Variants in SEMA3B observed in about 807,000 individuals in gnomAD.
SEMA3B encodes semaphorin-3B.
In SEMA3B, 71 loss-of-function variants were observed where a neutral mutation model predicts 77.8. That is an observed-to-expected ratio of 0.91 (90% CI 0.75 to 1.11). The LOEUF is 1.11. Among genes scored for constraint, SEMA3B ranks in the 50% most tolerant of loss-of-function variants. The pLI, the probability that SEMA3B is intolerant of heterozygous loss-of-function variation, is 0.00. For synonymous variants in SEMA3B, 470 were observed against 452.9 expected (o/e 1.04, Z -0.48); for missense variants, 968 against 1,056.8 (o/e 0.92, Z 1.17).
Position 50,269,250 on chromosome 3 carries a change from G to A in SEMA3B, c.10G>A (p.Ala4Thr). The stretch of plus-strand genomic sequence containing the variant: ...ACCCTGAGCTGCTGAGATGGGGCGG[G>A]CCGGGGCTGCCGCCGTGATCCCGGG... Reference protein sequence around the residue: MGRAGAAAVIPGLA... With the variant: MGRTGAAAVIPGLA... The change falls in exon 1 of 17, where the codon GCC (alanine) becomes ACC (threonine). Residue 4 changes from alanine to threonine, a missense_variant. By Grantham distance (58) the Ala-to-Thr change is moderately conservative. Transcript: ENST00000616701. This position sits in a 1 kb window ranked among gnomAD's most constrained non-coding sequence, Gnocchi z 4.0. The A allele has an allele frequency of 1.3e-6, 2 of 1,536,236 alleles. No homozygotes were observed. Among genetic ancestry groups the A allele is most frequent in the Non-Finnish European group, 1.7e-6 (2 of 1,146,350 alleles).
In SEMA3B at chr3:50,270,438, C is replaced by T; in HGVS notation, c.273C>T (p.Ala91=). The T allele has an allele frequency of 6.2e-7, 1 of 1,613,758 alleles. No homozygotes were observed. The highest frequency in any genetic ancestry group is 8.5e-7 in the Non-Finnish European group (1 of 1,179,866). The change falls in exon 3 of 17, where the codon GCC becomes GCT. Residue 91 remains alanine (A), a synonymous_variant. Coordinates refer to ENST00000616701, the MANE Select transcript of SEMA3B (RefSeq NM_001290060.2). The surrounding 1 kb of genome is among the most constrained non-coding windows in gnomAD (Gnocchi z 4.7). ...DNISKRAKKL[A]WPAPVEWREE... is the part of the protein sequence containing the mutation. ...CTCCCCCAACCTCCCGATAGCTGGC[C>T]TGGCCGGCCCCTGTGGAATGGCGAG...
At chr3:50,268,808 C>G (rs1700967371), upstream of SEMA3B, 1 of 187,530 alleles carries the variant, frequency 5.3e-6, no homozygotes, top group Non-Finnish European at 1.1e-5. Flanking sequence ...CACTCTGTCC[C>G]CTTTCACATG....
Position 50,273,288 on chromosome 3 carries a change from C to A in SEMA3B, c.665-10C>A. ...AGGACCCGCTGACCCATGCCTCCTG[C>A]CGCGGTCAGAGCCCAAGTTTGTCAA... On this transcript the variant is annotated splice_polypyrimidine_tract_variant and intron_variant, in intron 6 of 16. Transcript: ENST00000616701. This position sits in a 1 kb window ranked among gnomAD's most constrained non-coding sequence, Gnocchi z 6.5. 1 of 1,611,674 alleles carries A rather than the reference C, an allele frequency of 6.2e-7. No individual in the cohort carries two copies.
Position 50,274,769 on chromosome 3 carries a change from C to A in SEMA3B, c.1358-74C>A. 6.6e-7 allele frequency: 1 copy of A among 1,525,566 alleles called. No individual in the cohort carries two copies. Among genetic ancestry groups the A allele is most frequent in the Non-Finnish European group, 9.0e-7 (1 of 1,115,402 alleles). The allele number at this position is 1,525,566 out of a possible 1,614,324, so 94.5% of individuals were successfully genotyped here. A position where few individuals can be genotyped will look rare whatever the true frequency, so the allele number is the denominator to read the frequency against. ...AACCCAAACATGCTGAGGGTAGACG[C>A]CTCAAAGGCGAGGAGACACTAGCCC... is the stretch of plus-strand genomic sequence containing the variant. On this transcript the variant is annotated intron_variant, in intron 11 of 16. Coordinates refer to ENST00000616701, the MANE Select transcript of SEMA3B (RefSeq NM_001290060.2). This position sits in a 1 kb window ranked among gnomAD's most constrained non-coding sequence, Gnocchi z 4.7.
At chr3:50,269,070 C>T (rs1488956808), upstream of SEMA3B, 1 of 599,224 alleles carries the variant, frequency 1.7e-6, no homozygotes, top group African/African-American at 1.9e-5. This position sits in a 1 kb window ranked among gnomAD's most constrained non-coding sequence, Gnocchi z 4.0. Flanking sequence ...TGCGACCCCC[C>T]AGCCTCTTTC....
chr3:50,274,823 A>G lies in SEMA3B; in HGVS notation c.1358-20A>G. ...CTGTCCGGGAGCACCAATGGTCATT[A>G]CCCCTTCTCATCCCTGCAGACGTTG... On this transcript the variant is annotated intron_variant, in intron 11 of 16. Transcript: ENST00000616701. The surrounding 1 kb of genome is among the most constrained non-coding windows in gnomAD (Gnocchi z 4.7). 6.2e-7 allele frequency: 1 copy of G among 1,608,244 alleles called. No individual in the cohort carries two copies. The highest frequency in any genetic ancestry group is 8.5e-7 in the Non-Finnish European group (1 of 1,178,480).
intron 6 of SEMA3B, among the ~76,000 whole-genome samples, chr3:50,272,310 C>T (rs587753169): frequency 1.1e-3 from 173 of 151,536 alleles, no homozygotes; most frequent in Middle Eastern, 3.5e-3. Flanking sequence ...CACAGTGGCT[C>T]ACACCTGTAA....
At position 50,270,860 on chromosome 3, in the gene SEMA3B, G is replaced by C. The variant is rs1374808822; in HGVS notation, c.331-30G>C. On this transcript the variant is annotated intron_variant, in intron 3 of 16. Transcript: ENST00000616701. The surrounding 1 kb of genome is among the most constrained non-coding windows in gnomAD (Gnocchi z 4.7). ...GGGACCTCTTAAGGCTACGTCCCTGGGGGAAGCCTCACACCTCCAACCCTA... is the reference window on the plus strand; with the variant it reads ...GGGACCTCTTAAGGCTACGTCCCTGCGGGAAGCCTCACACCTCCAACCCTA... The C allele has an allele frequency of 6.4e-7, 1 of 1,572,496 alleles. No homozygotes were observed. The highest frequency in any genetic ancestry group is 1.2e-5 in the South Asian group (1 of 85,754).
chr3:50,269,593 C>T lies in SEMA3B; in HGVS notation c.109+244C>T, dbSNP rs1382230540. Among the ~76,000 whole-genome samples, 1 of 152,200 alleles carries T rather than the reference C, an allele frequency of 6.6e-6. No homozygotes were observed. Among genetic ancestry groups the T allele is most frequent in the African/African-American group, 2.4e-5 (1 of 41,442 alleles). On this transcript the variant is annotated intron_variant, in intron 1 of 16. Coordinates refer to ENST00000616701, the MANE Select transcript of SEMA3B (RefSeq NM_001290060.2). The surrounding 1 kb of genome is among the most constrained non-coding windows in gnomAD (Gnocchi z 4.0). The stretch of plus-strand genomic sequence containing the variant: ...CCCTCCTGTCCCCACAGCAACAGAC[C>T]TTGTCTCTGTTCCGTTCAGTACCCC...
chr3:50,268,512 C>T (rs1700958992), upstream of SEMA3B, among the ~76,000 whole-genome samples: 1 of 152,216 alleles, frequency 6.6e-6, no homozygotes, highest in African/African-American at 2.4e-5. Flanking sequence ...AACCCATATC[C>T]ACACATGTGC....
Position 50,275,199 on chromosome 3 carries a change from A to G in SEMA3B, c.1492-103A>G. The G allele has an allele frequency of 1.4e-6, 2 of 1,452,762 alleles. No homozygotes were observed. The highest frequency in any genetic ancestry group is 1.8e-6 in the Non-Finnish European group (2 of 1,094,890). The allele number at this position is 1,452,762 out of a possible 1,614,324, so 90.0% of individuals were successfully genotyped here. A position where few individuals can be genotyped will look rare whatever the true frequency, so the allele number is the denominator to read the frequency against. ...TAGACTGTGTGACCTGAGGCGTAAG[A>G]CCTCAGTGTTCCCATCTGTCGAGTG... On this transcript the variant is annotated intron_variant, in intron 13 of 16. Coordinates refer to ENST00000616701, the MANE Select transcript of SEMA3B (RefSeq NM_001290060.2). This position sits in a 1 kb window ranked among gnomAD's most constrained non-coding sequence, Gnocchi z 7.5.
In SEMA3B at chr3:50,271,111, A is replaced by G; in HGVS notation, c.474A>G (p.Pro158=). 6.3e-7 allele frequency: 1 copy of G among 1,583,862 alleles called. No homozygotes were observed. Among genetic ancestry groups the G allele is most frequent in the Non-Finnish European group, 8.6e-7 (1 of 1,165,024 alleles). ...AGGAGCCCGTCCTCCGGCTGGACCC[A>G]GGAAGGATAGAGGATGGCAAGGGGA... ...RAEEPVLRLD[P]GRIEDGKGKS... Residue 158 remains proline, a synonymous_variant, in exon 5 of 17, where the codon CCA becomes CCG. Coordinates refer to ENST00000616701, the MANE Select transcript of SEMA3B (RefSeq NM_001290060.2).
chr3:50,264,245 G>A (rs1272165934), upstream of SEMA3B, among the ~76,000 whole-genome samples: 1 of 152,098 alleles, frequency 6.6e-6, no homozygotes, highest in Non-Finnish European at 1.5e-5. Context: ...CTGGGGTGAG[G>A]GGCACAGCAA....
upstream of SEMA3B, chr3:50,269,089 G>C: frequency 3.2e-6 from 2 of 627,296 alleles, no homozygotes; most frequent in South Asian, 3.7e-5. The surrounding 1 kb of genome is among the most constrained non-coding windows in gnomAD (Gnocchi z 4.0). Context: ...TCCCCTAGGG[G>C]CTGTAATCTG....
chr3:50,272,482 G>A (rs991287428), intron 6 of SEMA3B, among the ~76,000 whole-genome samples: 8 of 151,684 alleles, frequency 5.3e-5, no homozygotes, highest in Non-Finnish European at 8.8e-5. Flanking sequence ...AGGCTGAGGC[G>A]GGCGGATCAC....
upstream of SEMA3B, chr3:50,262,966 G>T (rs1440160961): frequency 6.6e-6 from 1 of 152,258 alleles, no homozygotes; most frequent in African/African-American, 2.4e-5. Context: ...TTCCCCCACA[G>T]TGGGGAACAC....
chr3:50,270,630 G>T lies in SEMA3B; in HGVS notation c.330+135G>T. 1.5e-6 allele frequency: 2 copies of T among 1,299,416 alleles called. No homozygotes were observed. Among genetic ancestry groups the T allele is most frequent in the Non-Finnish European group, 2.1e-6 (2 of 939,570 alleles). The allele number at this position is 1,299,416 out of a possible 1,614,324, so 80.5% of individuals were successfully genotyped here. A position where few individuals can be genotyped will look rare whatever the true frequency, so the allele number is the denominator to read the frequency against. Reference sequence around the variant, plus strand: ...AGGTCGAGGTGGCTGAGGTCTGGGGGTGGTGAGTCAGGGTGGGGGCTCGTG... The same window carrying T: ...AGGTCGAGGTGGCTGAGGTCTGGGGTTGGTGAGTCAGGGTGGGGGCTCGTG... On this transcript the variant is annotated intron_variant, in intron 3 of 16. Coordinates refer to ENST00000616701, the MANE Select transcript of SEMA3B (RefSeq NM_001290060.2). This position sits in a 1 kb window ranked among gnomAD's most constrained non-coding sequence, Gnocchi z 4.7.
At position 50,269,233 on chromosome 3, in the gene SEMA3B, C is replaced by T. The variant is rs1553704916; in HGVS notation, c.-8C>T. 1.3e-6 allele frequency: 2 copies of T among 1,531,096 alleles called. No homozygotes were observed. The highest frequency in any genetic ancestry group is 2.7e-5 in the African/African-American group (2 of 73,026). The allele number at this position is 1,531,096 out of a possible 1,614,324, so 94.8% of individuals were successfully genotyped here. A position where few individuals can be genotyped will look rare whatever the true frequency, so the allele number is the denominator to read the frequency against. ...CCCGCTGAACCCTGAGCACCCTGAG[C>T]TGCTGAGATGGGGCGGGCCGGGGCT... On this transcript the variant is annotated 5_prime_UTR_variant, in exon 1 of 17. Transcript: ENST00000616701. The surrounding 1 kb of genome is among the most constrained non-coding windows in gnomAD (Gnocchi z 4.0).
chr3:50,275,210 C>T lies in SEMA3B; in HGVS notation c.1492-92C>T, dbSNP rs782229033. ...ACCTGAGGCGTAAGACCTCAGTGTT[C>T]CCATCTGTCGAGTGGAAGAAGGGAT... On this transcript the variant is annotated intron_variant, in intron 13 of 16. Transcript: ENST00000616701. This position sits in a 1 kb window ranked among gnomAD's most constrained non-coding sequence, Gnocchi z 7.5. The T allele has an allele frequency of 2.1e-6, 3 of 1,461,964 alleles. No homozygotes were observed. The highest frequency in any genetic ancestry group is 2.7e-6 in the Non-Finnish European group (3 of 1,101,996). 90.6% of individuals were successfully genotyped at this position (1,461,964 alleles called of 1,614,324 possible).
Sources: allele counts gnomAD v4.1 joint callset (sites outside exome capture counted in the v4.1 genomes callset), GRCh38; gene constraint gnomAD v4.1.1; non-coding constraint Gnocchi (gnomAD v3.1); transcripts MANE v1.5; gene names NCBI Gene and HGNC (gene_info 2026-07-23, HGNC 2026-07-21).